The following SCN9A variants were observed in gnomAD, a reference collection of about 807,000 sequenced individuals.
The protein encoded by SCN9A is sodium channel protein type 9 subunit alpha.
Under a neutral mutation model 187.0 loss-of-function variants are expected in SCN9A, and 131 were observed. The ratio of observed to expected loss-of-function variants is 0.70; its 90% confidence interval spans 0.61 to 0.81. The LOEUF (loss-of-function observed/expected upper bound fraction) is 0.81, where lower values mean the gene tolerates loss of function less well. SCN9A is among the 30% of genes least tolerant of loss of function. The pLI is 0.00. For synonymous variants in SCN9A, 809 were observed against 808.6 expected (o/e 1.00, Z -0.01); for missense variants, 2,252 against 2,396.6 (o/e 0.94, Z 1.26).
chr2:166,209,086 G>A (rs980850311), intron 24 of SCN9A, among the ~76,000 whole-genome samples: 35 of 152,154 alleles, frequency 2.3e-4, no homozygotes, highest in African/African-American at 8.0e-4. Flanking sequence ...AAAAGGGGAC[G>A]GTAGATTAGC....
At position 166,228,625 on chromosome 2, in the gene SCN9A, G is replaced by T. The variant is rs537160304; in HGVS notation, c.4206+66C>A. The T allele has an allele frequency of 1.6e-5, 20 of 1,246,346 alleles. No homozygotes were observed. The South Asian group carries it at 1.6e-4, about 10-fold the overall frequency. 77.2% of individuals were successfully genotyped at this position (1,246,346 alleles called of 1,614,324 possible). A position where few individuals can be genotyped will look rare whatever the true frequency, so the allele number is the denominator to read the frequency against. ...ATTTATAATTAATATACTATTTAAA[G>T]AATAACTTATATCCTTCGTCCAATA... is the stretch of plus-strand genomic sequence containing the variant. On this transcript the variant is annotated intron_variant, in intron 22 of 26. Transcript: ENST00000642356.
intron 1 of SCN9A, among the ~76,000 whole-genome samples, chr2:166,356,620 C>T (rs1700156739): frequency 6.6e-6 from 1 of 152,188 alleles, no homozygotes; most frequent in African/African-American, 2.4e-5. Context: ...AATTCCTCCC[C>T]TGTGGACAAC....
chr2:166,286,190 A>G, intron 11 of SCN9A, 146 bp downstream of exon 11: 1 of 723,120 alleles, frequency 1.4e-6, no homozygotes, highest in Non-Finnish European at 2.2e-6. Context: ...ATCTTTCCAT[A>G]AATGCCTAGC....
Position 166,288,672 on chromosome 2 carries a change from A to G in SCN9A, c.1108-29T>C, listed in dbSNP as rs774423360. On this transcript the variant is annotated intron_variant, in intron 9 of 26. Transcript: ENST00000642356. Reference sequence around the variant, plus strand: ...GGGAAAAATGGAAATTGTCATTTGAACAATAAAAAGTTTTTTTAGTAAATT... The same window carrying G: ...GGGAAAAATGGAAATTGTCATTTGAGCAATAAAAAGTTTTTTTAGTAAATT... 20 of 1,498,812 alleles carry G rather than the reference A, an allele frequency of 1.3e-5. 1 individual carries two copies. In the South Asian group the frequency reaches 2.5e-4, roughly 19 times the overall value. 92.8% of individuals were successfully genotyped at this position (1,498,812 alleles called of 1,614,324 possible).
chr2:166,263,469 C>G (rs1185406388), intron 17 of SCN9A, among the ~76,000 whole-genome samples: 1 of 151,952 alleles, frequency 6.6e-6, no homozygotes, highest in African/African-American at 2.4e-5. Context: ...ACCTCCTGTT[C>G]AGGTTCACTG....
intron 23 of SCN9A, among the ~76,000 whole-genome samples, 165 bp from the exon 24 acceptor site, chr2:166,226,869 T>C (rs16851798): frequency 0.028 from 4,248 of 152,194 alleles, 454 homozygotes; most frequent in Admixed American, 0.2. Context: ...AACAATTTAT[T>C]CAACATGTAT....
chr2:166,213,491 A>ATAATAATAATAT (rs1694186564), intron 24 of SCN9A, among the ~76,000 whole-genome samples: 1 of 147,322 alleles, frequency 6.8e-6, no homozygotes. Flanking sequence ...AATAATAATA[A>ATAATAATAATAT]TAATGATAAT....
chr2:166,199,975 G>GTTTTTTTTTGTTTTTTTTT (rs1693411076), intron 26 of SCN9A, 111 bp from the exon 27 acceptor site: 1 of 79,310 alleles, frequency 1.3e-5, no homozygotes, highest in African/African-American at 9.4e-5. Context: ...ATTCAAGACA[G>GTTTTTTTTTGTTTTTTTTT]TTTTTTTTTT....
At chr2:166,354,455 A>C (rs560742915) in intron 1 of SCN9A, among the ~76,000 whole-genome samples, 8 of 152,284 alleles carry the variant, frequency 5.3e-5, no homozygotes, top group African/African-American at 1.9e-4. Context: ...AAATTCTCTA[A>C]TTTGGGATTA....
intron 22 of SCN9A, among the ~76,000 whole-genome samples, chr2:166,228,247 C>CTTTTTTTTTTTTTTTTTTTTTT: frequency 1.2e-5 from 1 of 85,972 alleles, no homozygotes; most frequent in African/African-American, 4.6e-5. Flanking sequence ...AAGACCAACA[C>CTTTTTTTTTTTTTTTTTTTTTT]TTTTTTTTTT....
intron 18 of SCN9A, among the ~76,000 whole-genome samples, chr2:166,249,733 T>A (rs1695954020): frequency 2.6e-5 from 4 of 152,146 alleles, no homozygotes. Context: ...TAACAGCACC[T>A]ACAGTCTGAA....
chr2:166,309,604 T>G (rs889456186), intron 2 of SCN9A, among the ~76,000 whole-genome samples: 2 of 151,760 alleles, frequency 1.3e-5, no homozygotes, highest in African/African-American at 4.8e-5. Flanking sequence ...TAAAAGAGGA[T>G]ACAAACAAAT....
At chr2:166,300,599 GA>G (rs1345330757) in intron 7 of SCN9A, among the ~76,000 whole-genome samples, 1 of 150,696 alleles carries the variant, frequency 6.6e-6, no homozygotes, top group African/African-American at 2.5e-5. Flanking sequence ...AGCAAGGGCT[GA>G]GGCTATCATT....
chr2:166,230,041 C>T (rs1355835782), intron 21 of SCN9A, among the ~76,000 whole-genome samples: 1 of 152,168 alleles, frequency 6.6e-6, no homozygotes, highest in Non-Finnish European at 1.5e-5. Context: ...GACTACTAAT[C>T]AGATCATCTA....
intron 7 of SCN9A, among the ~76,000 whole-genome samples, chr2:166,297,262 T>TACTGAGA (rs1345439578): frequency 1.1e-4 from 14 of 127,888 alleles, no homozygotes; most frequent in Non-Finnish European, 2.0e-4. Flanking sequence ...ACTAGGTATA[T>TACTGAGA]ACTGAGAACT....
intron 26 of SCN9A, among the ~76,000 whole-genome samples, chr2:166,200,170 T>C (rs1693436349): frequency 6.7e-6 from 1 of 149,062 alleles, no homozygotes; most frequent in African/African-American, 2.5e-5. Flanking sequence ...GCTAATTTTT[T>C]GTATTTTTAG....
intron 12 of SCN9A, among the ~76,000 whole-genome samples, chr2:166,283,947 G>C (rs966834512): frequency 1.3e-5 from 2 of 152,044 alleles, no homozygotes; most frequent in African/African-American, 4.8e-5. Flanking sequence ...GTAAAACAGA[G>C]ATAATAATGT....
rs1337045163 is a variant in SCN9A, at chr2:166,276,823, GTTCTCT to G, written c.2874+154_2874+159del. Reference sequence around the variant, plus strand: ...GCTAGGAAAACTAATACAAAATTTCGTTCTCTTTCCTGTTCTTTCTTGTATTAAAAT... The same window carrying G: ...GCTAGGAAAACTAATACAAAATTTCGTTCCTGTTCTTTCTTGTATTAAAAT... On this transcript the variant is annotated intron_variant, in intron 16 of 26. Transcript: ENST00000642356. 7.0e-6 allele frequency: 4 copies of G among 573,578 alleles called. No homozygotes were observed. The East Asian group carries it at 1.2e-4, about 18-fold the overall frequency. 35.5% of individuals were successfully genotyped at this position (573,578 alleles called of 1,614,324 possible).
At chr2:166,226,530 C>T (rs1388503510) in intron 24 of SCN9A, 37 bp downstream of exon 24, 4 of 1,361,422 alleles carry the variant, frequency 2.9e-6, no homozygotes, top group Non-Finnish European at 4.0e-6. Context: ...AATTGTTCAT[C>T]CCTTTCATTA....
Sources: allele counts gnomAD v4.1 joint callset (sites outside exome capture counted in the v4.1 genomes callset), GRCh38; gene constraint gnomAD v4.1.1; transcripts MANE v1.5; gene names NCBI Gene and HGNC (gene_info 2026-07-23, HGNC 2026-07-21).